PDHX: variants seen among roughly 807,000 people sequenced by gnomAD.
PDHX encodes the protein pyruvate dehydrogenase protein X component, mitochondrial.
A neutral mutation model predicts 55.3 loss-of-function variants in PDHX; 33 were observed. The observed-to-expected ratio is 0.60, with a 90% CI of 0.45 to 0.80. The LOEUF (loss-of-function observed/expected upper bound fraction) is 0.80, where lower values mean the gene tolerates loss of function less well. Ranked by LOEUF, PDHX falls within the 30% of genes least tolerant of loss-of-function variation. The pLI is 0.00. For synonymous variants in PDHX, 226 were observed against 219.4 expected, an observed-to-expected ratio of 1.03 and a Z score of -0.27; for missense variants, 622 against 619.9, an observed-to-expected ratio of 1.00 and a Z score of -0.04.
chr11:34,976,508 G>C (rs1855377871), intron 7 of PDHX, among the ~76,000 whole-genome samples: 1 of 152,140 alleles, frequency 6.6e-6, no homozygotes, highest in Non-Finnish European at 1.5e-5. Context: ...GGATATACAA[G>C]TCTGAAGCCT....
rs577898490 is a variant in PDHX, at chr11:34,922,444, G to A, written c.160+5629G>A. On this transcript the variant is annotated intron_variant, in intron 1 of 10. Coordinates refer to ENST00000227868, the MANE Select transcript of PDHX (RefSeq NM_003477.3). ...TACTATACTCTGGTAGATAGTTCAG[G>A]TTTCAACCCAGATCTGACACCAATG... 6.9e-4 allele frequency among the ~76,000 whole-genome samples: 105 copies of A among 152,258 alleles called. 1 individual carries two copies. In the South Asian group the frequency reaches 0.021, roughly 31 times the overall value.
rs1291802569 is a variant in PDHX at position 34,916,687 on chromosome 11, C to A, written c.32C>A (p.Pro11Gln). Residue 11 changes from proline (P) to glutamine (Q), a missense_variant, in exon 1 of 11, where the codon CCG becomes CAG. Transcript: ENST00000227868. Reference protein sequence around the residue: MAASWRLGCDPRLLRYLVGFP... With the variant: MAASWRLGCDQRLLRYLVGFP... ...GCCTCCTGGAGGCTGGGCTGTGATC[C>A]GCGGCTGCTGCGTTATCTTGTGGGC... The A allele has an allele frequency of 1.2e-6, 2 of 1,611,852 alleles. No individual in the cohort carries two copies. Among genetic ancestry groups the A allele is most frequent in the South Asian group, 1.1e-5 (1 of 90,998 alleles).
At chr11:34,983,823 C>T (rs2025778) in intron 8 of PDHX, among the ~76,000 whole-genome samples, 91,240 of 151,932 alleles carry the variant, frequency 0.6, 28,876 homozygotes, top group East Asian at 0.75. Flanking sequence ...TAGGAAGAAT[C>T]GATATTGTGA....
intron 8 of PDHX, among the ~76,000 whole-genome samples, chr11:34,980,014 C>T (rs1855473470): frequency 6.7e-6 from 1 of 150,110 alleles, no homozygotes; most frequent in South Asian, 2.1e-4. Context: ...GGCAGCTTTC[C>T]CTTTTTTTTT....
intron 6 of PDHX, 50 bp from the exon 7 acceptor site, chr11:34,970,088 AT>A: frequency 6.4e-7 from 1 of 1,555,408 alleles, no homozygotes; most frequent in Admixed American, 1.7e-5. Context: ...TTTTTGTTTT[AT>A]TTTTCTATTC....
At position 34,994,928 on chromosome 11, in the gene PDHX, G is replaced by T. The variant is rs1239863183; in HGVS notation, c.1262G>T (p.Gly421Val). ...TTTCCCCCTAGTATTTCCAACTTGG[G>T]GATGTTTGGCATCGACGAATTTACT... The part of the protein sequence containing the change: ...QGGSFSISNL[G>V]MFGIDEFTAV... Residue 421 changes from glycine to valine, a missense_variant, in exon 11 of 11, where the codon GGG becomes GTG. Transcript: ENST00000227868. The T allele has an allele frequency of 6.2e-7, 1 of 1,613,740 alleles. No individual in the cohort carries two copies.
At chr11:34,994,579 C>T (rs1358687889) in intron 10 of PDHX, among the ~76,000 whole-genome samples, 1 of 152,146 alleles carries the variant, frequency 6.6e-6, no homozygotes, top group East Asian at 1.9e-4. Context: ...GCAGAAATTC[C>T]TGAGCTCCAT....
chr11:34,975,374 G>A (rs187270613), intron 7 of PDHX, among the ~76,000 whole-genome samples: 41 of 152,088 alleles, frequency 2.7e-4, no homozygotes, highest in African/African-American at 9.4e-4. Context: ...AATTTTAAAT[G>A]TTAGACTTTT....
In PDHX at chr11:34,962,978, T is replaced by G. The variant is rs78450176; in HGVS notation, c.641+2460T>G. On this transcript the variant is annotated intron_variant, in intron 5 of 10. Transcript: ENST00000227868. ...CCATCTTTTCTACCCTGTTACCCTT[T>G]TCTCTTCCCTGCCTTTATTCCTTAA... is the stretch of plus-strand genomic sequence containing the variant. 5.1e-3 allele frequency among the ~76,000 whole-genome samples: 780 copies of G among 152,300 alleles called. 7 individuals are homozygous for G. The highest frequency in any genetic ancestry group is 0.018 in the African/African-American group (739 of 41,570).
Position 34,984,801 on chromosome 11 carries a change from G to A in PDHX, c.1182+73G>A, listed in dbSNP as rs1040932988. 20 of 1,428,960 alleles carry A rather than the reference G, an allele frequency of 1.4e-5. No homozygotes were observed. The Admixed American group carries it at 3.3e-4, about 24-fold the overall frequency. 88.5% of individuals were successfully genotyped at this position (1,428,960 alleles called of 1,614,324 possible). On this transcript the variant is annotated intron_variant, in intron 9 of 10. Coordinates refer to ENST00000227868, the MANE Select transcript of PDHX (RefSeq NM_003477.3). The stretch of plus-strand genomic sequence containing the variant: ...TGGATAATTACTTTCTGATAAAGTT[G>A]TGACGTAATCTAGTCAGACTGTGAT...
At chr11:34,940,197 A>T (rs1281786467) in intron 2 of PDHX, among the ~76,000 whole-genome samples, 1 of 152,214 alleles carries the variant, frequency 6.6e-6, no homozygotes, top group Non-Finnish European at 1.5e-5. Context: ...TCCATCAAGC[A>T]CTTAGCCACA....
chr11:34,984,541 T>C (rs573926912), intron 8 of PDHX, 29 bp from the exon 9 acceptor site: 2 of 1,610,604 alleles, frequency 1.2e-6, no homozygotes, highest in African/African-American at 2.7e-5. Context: ...GCTGCTTTTT[T>C]AGTAACATTT....
chr11:34,991,867 A>G (rs901023122), intron 9 of PDHX, among the ~76,000 whole-genome samples: 1 of 143,708 alleles, frequency 7.0e-6, no homozygotes, highest in African/African-American at 2.6e-5. Context: ...CCATAATCAC[A>G]CCACTGCACT....
intron 4 of PDHX, 60 bp from the exon 5 acceptor site, chr11:34,960,360 T>A (rs1468968144): frequency 1.8e-6 from 2 of 1,084,796 alleles, no homozygotes; most frequent in Non-Finnish European, 2.8e-6. Context: ...GACATTTAGA[T>A]CTATTTGAAT....
chr11:34,921,922 G>C (rs1360422043), intron 1 of PDHX, among the ~76,000 whole-genome samples: 1 of 152,204 alleles, frequency 6.6e-6, no homozygotes, highest in African/African-American at 2.4e-5. Context: ...TAAAAACCCT[G>C]CAAAGGTTTG....
intron 6 of PDHX, among the ~76,000 whole-genome samples, chr11:34,967,583 A>G (rs766827017): frequency 1.3e-5 from 2 of 152,192 alleles, no homozygotes; most frequent in Non-Finnish European, 2.9e-5. Flanking sequence ...ATGCAGTATA[A>G]CAGCCCCTTT....
chr11:34,952,385 A>C (rs1236843614), intron 3 of PDHX, among the ~76,000 whole-genome samples: 7 of 152,202 alleles, frequency 4.6e-5, no homozygotes, highest in Admixed American at 3.3e-4. Flanking sequence ...GAGACACAAC[A>C]AAAAAAGAGA....
At chr11:34,962,264 A>G (rs1855035114) in intron 5 of PDHX, among the ~76,000 whole-genome samples, 1 of 152,242 alleles carries the variant, frequency 6.6e-6, no homozygotes, top group South Asian at 2.1e-4. Context: ...TGTAAGAGGT[A>G]ATGAATACTT....
intron 1 of PDHX, among the ~76,000 whole-genome samples, chr11:34,926,592 A>G (rs1352274896): frequency 6.6e-6 from 1 of 152,136 alleles, no homozygotes; most frequent in Non-Finnish European, 1.5e-5. Context: ...AGTCAGAGTA[A>G]TGGAGCTTAA....
Sources: gnomAD v4.1 joint callset for allele counts (sites outside exome capture counted in the v4.1 genomes callset) on GRCh38, gnomAD v4.1.1 for gene constraint, MANE v1.5 for transcripts, NCBI Gene and HGNC (gene_info 2026-07-23, HGNC 2026-07-21) for gene names.